HLCS: variants seen among roughly 807,000 people sequenced by gnomAD.
The protein encoded by HLCS is biotin--protein ligase.
HLCS carries 53 observed loss-of-function variants against 75.0 expected under a neutral mutation model. The ratio of observed to expected loss-of-function variants is 0.71; its 90% CI spans 0.57 to 0.89. The LOEUF is 0.89. Among genes scored for constraint, HLCS ranks in the 40% least tolerant of loss-of-function variants. The pLI, the probability that HLCS is intolerant of heterozygous loss-of-function variation, is 0.00. For missense variants in HLCS, 966 were observed against 1,074.0 expected (o/e 0.90, Z 1.41); for synonymous variants, 431 against 428.6 (o/e 1.01, Z -0.07).
In HLCS at chr21:36,949,234, AG is replaced by A. The variant is rs1235195862; in HGVS notation, c.331-10241del. 2.0e-5 allele frequency among the ~76,000 whole-genome samples: 3 copies of A among 152,248 alleles called. No individual in the cohort carries two copies. The East Asian group carries it at 5.8e-4, about 29-fold the overall frequency. On this transcript the variant is annotated intron_variant, in intron 2 of 10. Coordinates refer to ENST00000674895, the MANE Select transcript of HLCS (RefSeq NM_001352514.2). ...TTTGCTCACAAATCTCAATTTGGACAGGACTGGGCAGGAACAGCTTAACTCT... is the reference window on the plus strand; with the variant it reads ...TTTGCTCACAAATCTCAATTTGGACAGACTGGGCAGGAACAGCTTAACTCT...
chr21:36,767,385 G>A (rs1195697730), intron 6 of HLCS, 100 bp from the exon 7 acceptor site: 75 of 1,200,114 alleles, frequency 6.2e-5, no homozygotes, highest in Non-Finnish European at 8.8e-5. Context: ...ATCTGGGGGT[G>A]TGTGGCCATG....
chr21:36,879,765 C>T (rs1569137581), intron 6 of HLCS, among the ~76,000 whole-genome samples: 1 of 152,046 alleles, frequency 6.6e-6, no homozygotes, highest in Non-Finnish European at 1.5e-5. Flanking sequence ...GAAAAGTTAG[C>T]CAAGCATGGT....
At chr21:36,868,213 G>A (rs1021347423) in intron 6 of HLCS, among the ~76,000 whole-genome samples, 1 of 81,356 alleles carries the variant, frequency 1.2e-5, no homozygotes, top group Non-Finnish European at 2.3e-5. Flanking sequence ...GGAAGGGAAG[G>A]GAAAAAAGAG....
chr21:36,868,661 A>G (rs987118301), intron 6 of HLCS, among the ~76,000 whole-genome samples: 4 of 152,146 alleles, frequency 2.6e-5, no homozygotes, highest in African/African-American at 4.8e-5. Flanking sequence ...ATAGTCATAA[A>G]AAAAAAAGGC....
upstream of HLCS, among the ~76,000 whole-genome samples, chr21:36,967,373 G>C (rs867956272): frequency 6.6e-6 from 1 of 152,144 alleles, no homozygotes; most frequent in Non-Finnish European, 1.5e-5. Context: ...CACCAAGAAG[G>C]CTGCCTCTAA....
chr21:36,776,441 G>A (rs916423247), intron 6 of HLCS, among the ~76,000 whole-genome samples: 6 of 151,186 alleles, frequency 4.0e-5, no homozygotes, highest in African/African-American at 7.3e-5. Flanking sequence ...TTGAGATGGA[G>A]TTTCACTCTG....
chr21:36,771,675 C>T (rs1299791706), intron 6 of HLCS, among the ~76,000 whole-genome samples: 4 of 152,108 alleles, frequency 2.6e-5, no homozygotes, highest in Admixed American at 6.5e-5. Context: ...CTACAGACAG[C>T]GTGAGTCCAA....
At chr21:36,870,545 C>T (rs978005712) in intron 6 of HLCS, among the ~76,000 whole-genome samples, 1 of 152,172 alleles carries the variant, frequency 6.6e-6, no homozygotes, top group Non-Finnish European at 1.5e-5. Flanking sequence ...CATCCTCCAA[C>T]GGTTATTGAT....
rs1347780689 is a variant in HLCS at position 36,753,891 on chromosome 21, A to T, written c.*355T>A. The T allele has an allele frequency of 2.8e-6, 1 of 359,516 alleles. No individual in the cohort carries two copies. The highest frequency in any genetic ancestry group is 5.3e-6 in the Non-Finnish European group (1 of 189,836). The allele number at this position is 359,516 out of a possible 1,614,324, so 22.3% of individuals were successfully genotyped here. A position where few individuals can be genotyped will look rare whatever the true frequency, so the allele number is the denominator to read the frequency against. On this transcript the variant is annotated 3_prime_UTR_variant, in exon 11 of 11. Transcript: ENST00000674895. This position sits in a 1 kb window ranked among gnomAD's most constrained non-coding sequence, Gnocchi z 4.3. ...ATTTTGGTTTGTTTTTTCATAGACTAGGGGTAAAGGTCTGCACTACTAAGA... is the reference window on the plus strand; with the variant it reads ...ATTTTGGTTTGTTTTTTCATAGACTTGGGGTAAAGGTCTGCACTACTAAGA...
chr21:36,927,669 A>T (rs1212789615), intron 5 of HLCS, among the ~76,000 whole-genome samples: 1 of 152,258 alleles, frequency 6.6e-6, no homozygotes, highest in Non-Finnish European at 1.5e-5. Context: ...GACCCAAAAG[A>T]AAGTGCCACC....
chr21:36,925,084 TG>T (rs1569200231), intron 5 of HLCS, among the ~76,000 whole-genome samples: 1 of 152,164 alleles, frequency 6.6e-6, no homozygotes, highest in African/African-American at 2.4e-5. Flanking sequence ...CTGCTTTTTA[TG>T]GGGGGAAAAA....
intron 6 of HLCS, among the ~76,000 whole-genome samples, chr21:36,834,318 T>C (rs1314934182): frequency 6.6e-6 from 1 of 152,166 alleles, no homozygotes; most frequent in East Asian, 1.9e-4. Flanking sequence ...TGTGAGTGTG[T>C]GGGAGTCTGT....
At chr21:36,987,575 T>C (rs920545095) in intron 1 of HLCS, among the ~76,000 whole-genome samples, 1 of 152,176 alleles carries the variant, frequency 6.6e-6, no homozygotes, top group Non-Finnish European at 1.5e-5. Flanking sequence ...ATCACACCAC[T>C]GCACTCCAGC....
At chr21:36,869,007 T>A (rs1255072483) in intron 6 of HLCS, among the ~76,000 whole-genome samples, 1 of 152,144 alleles carries the variant, frequency 6.6e-6, no homozygotes, top group Non-Finnish European at 1.5e-5. Flanking sequence ...ATACGACTCC[T>A]CGCATTCAAG....
At chr21:36,899,239 T>C (rs928677644) in intron 5 of HLCS, among the ~76,000 whole-genome samples, 1 of 152,204 alleles carries the variant, frequency 6.6e-6, no homozygotes, top group Non-Finnish European at 1.5e-5. Context: ...GGGGTATGTG[T>C]TACAGTATTC....
At chr21:36,925,138 A>G (rs184479926) in intron 5 of HLCS, among the ~76,000 whole-genome samples, 4 of 152,158 alleles carry the variant, frequency 2.6e-5, no homozygotes, top group Non-Finnish European at 4.4e-5. Context: ...ATGAAATGTC[A>G]TAACTAGTTT....
intron 6 of HLCS, among the ~76,000 whole-genome samples, chr21:36,795,936 G>GCAT (rs1182074665): frequency 6.6e-6 from 1 of 152,182 alleles, no homozygotes; most frequent in Non-Finnish European, 1.5e-5. Context: ...AACTAGAAAA[G>GCAT]CATCTTTTTA....
chr21:36,888,023 C>T (rs1048020917), intron 6 of HLCS, among the ~76,000 whole-genome samples: 16 of 152,150 alleles, frequency 1.1e-4, no homozygotes, highest in African/African-American at 3.4e-4. Flanking sequence ...CTATTCACTT[C>T]GCCTCCAGAA....
At chr21:36,763,671 T>C (rs1568973003) in intron 8 of HLCS, among the ~76,000 whole-genome samples, 1 of 152,326 alleles carries the variant, frequency 6.6e-6, no homozygotes, top group East Asian at 1.9e-4. Context: ...CATTTCTCTT[T>C]AGCCTGACAT....
Sources: gnomAD v4.1 joint callset for allele counts (sites outside exome capture counted in the v4.1 genomes callset) on GRCh38, gnomAD v4.1.1 for gene constraint, Gnocchi (gnomAD v3.1) non-coding constraint, MANE v1.5 for transcripts, NCBI Gene and HGNC (gene_info 2026-07-23, HGNC 2026-07-21) for gene names.